The following ZFP91 variants were observed in gnomAD, a reference collection of about 807,000 sequenced individuals.
ZFP91 encodes the protein ZFP91 zinc finger protein, atypical E3 ubiquitin ligase.
Under a neutral mutation model 63.5 loss-of-function variants are expected in ZFP91, and 7 were observed. That is an observed-to-expected ratio of 0.11 (90% CI 0.06 to 0.21). The LOEUF is 0.21. Among genes scored for constraint, ZFP91 ranks in the 10% least tolerant of loss-of-function variants. ZFP91 has a pLI of 1.00. For missense variants in ZFP91, 628 were observed against 736.6 expected (o/e 0.85, Z 1.71); for synonymous variants, 330 against 272.1 (o/e 1.21, Z -2.10).
chr11:58,620,209 T>C lies in ZFP91; in HGVS notation c.*2503T>C, dbSNP rs1855825501. ...AGCAGTTTGCAATACTAAAATATTT[T>C]TTATAGACTTTATATTTTTCCTTTT... On this transcript the variant is annotated 3_prime_UTR_variant, in exon 11 of 11. Coordinates refer to ENST00000316059, the MANE Select transcript of ZFP91 (RefSeq NM_053023.5). The C allele has an allele frequency of 6.6e-6, 1 of 152,206 alleles. No homozygotes were observed. Among genetic ancestry groups the C allele is most frequent in the African/African-American group, 2.4e-5 (1 of 41,438 alleles). 9.4% of individuals were successfully genotyped at this position (152,206 alleles called of 1,614,324 possible).
At position 58,609,837 on chromosome 11, in the gene ZFP91, G is replaced by A; in HGVS notation, c.378G>A (p.Lys126=). The change falls in exon 3 of 11, where the codon AAG becomes AAA. Residue 126 remains lysine (K), a synonymous_variant. Coordinates refer to ENST00000316059, the MANE Select transcript of ZFP91 (RefSeq NM_053023.5). ...GTATGTCTTTTTATTTAGATCCCAAGGAAGAAAAAGAGGAAGAAGACGATT... is the reference window on the plus strand; with the variant it reads ...GTATGTCTTTTTATTTAGATCCCAAAGAAGAAAAAGAGGAAGAAGACGATT... The part of the protein sequence containing the change: ...IEKVTTDKDP[K]EEKEEEDDSA... 5 of 1,614,026 alleles carry A rather than the reference G, an allele frequency of 3.1e-6. No homozygotes were observed. The highest frequency in any genetic ancestry group is 2.2e-5 in the South Asian group (2 of 91,086).
Position 58,610,284 on chromosome 11 carries a change from CT to C in ZFP91, c.581-11del. 6.3e-7 allele frequency: 1 copy of C among 1,589,046 alleles called. No homozygotes were observed. The highest frequency in any genetic ancestry group is 8.5e-7 in the Non-Finnish European group (1 of 1,172,616). On this transcript the variant is annotated splice_polypyrimidine_tract_variant and intron_variant, in intron 3 of 10. Transcript: ENST00000316059. The stretch of plus-strand genomic sequence containing the variant: ...TACACTAATAAAATTTTGTTTTTGG[CT>C]TTGTTTTTCTAGATGTTGGAGAAGA...
chr11:58,609,202 A>G (rs532699381), intron 2 of ZFP91, among the ~76,000 whole-genome samples: 2 of 152,334 alleles, frequency 1.3e-5, no homozygotes, highest in Non-Finnish European at 2.9e-5. Context: ...CCCTTAAAAC[A>G]TGACAAAATA....
At chr11:58,611,801 G>GT in intron 6 of ZFP91, 63 bp downstream of exon 6, 1 of 1,536,992 alleles carries the variant, frequency 6.5e-7, no homozygotes, top group Non-Finnish European at 8.8e-7. Flanking sequence ...GGAAAAAAGA[G>GT]TGGGAGTGTG....
rs1855767124 is a variant in ZFP91 at position 58,617,426 on chromosome 11, C to G, written c.1433C>G (p.Thr478Ser). The change falls in exon 11 of 11, where the codon ACT becomes AGT. Residue 478 changes from threonine (T) to serine (S), a missense_variant. Thr to Ser is a moderately conservative substitution (Grantham distance 58, BLOSUM62 1). Around this residue, in one of 3 missense-constraint regions of ZFP91, gnomAD observed 115 missense variants for 125.4 expected, o/e 0.92. Transcript: ENST00000316059. This position sits in a 1 kb window ranked among gnomAD's most constrained non-coding sequence, Gnocchi z 4.2. ...ALITSTDILG[T>S]NPESLTQPSD... The stretch of plus-strand genomic sequence containing the variant: ...ATCACCAGCACAGATATCTTGGGCA[C>G]TAACCCAGAGTCCCTGACGCAGCCT... 1 of 1,613,726 alleles carries G rather than the reference C, an allele frequency of 6.2e-7. No homozygotes were observed. Among genetic ancestry groups the G allele is most frequent in the Non-Finnish European group, 8.5e-7 (1 of 1,179,800 alleles).
intron 2 of ZFP91, among the ~76,000 whole-genome samples, chr11:58,585,591 G>A (rs914934050): frequency 7.2e-5 from 11 of 151,924 alleles, no homozygotes; most frequent in African/African-American, 2.4e-4. Flanking sequence ...CTTTTATTAC[G>A]TGTGACCTTG....
In ZFP91 at chr11:58,619,007, C is replaced by T. The variant is rs1350007292; in HGVS notation, c.*1301C>T. 5.0e-6 allele frequency: 1 copy of T among 201,656 alleles called. No homozygotes were observed. The highest frequency in any genetic ancestry group is 1.0e-5 in the Non-Finnish European group (1 of 99,300). 12.5% of individuals were successfully genotyped at this position (201,656 alleles called of 1,614,324 possible). A position where few individuals can be genotyped will look rare whatever the true frequency, so the allele number is the denominator to read the frequency against. On this transcript the variant is annotated 3_prime_UTR_variant, in exon 11 of 11. Coordinates refer to ENST00000316059, the MANE Select transcript of ZFP91 (RefSeq NM_053023.5). ...CATTTCCCTTGGGGCCCATCTCTGG[C>T]TCCTTGCTTTTTGTTTCTTGCTTTG...
In ZFP91 at chr11:58,617,052, G is replaced by T; in HGVS notation, c.1203-144G>T. 1 of 924,354 alleles carries T rather than the reference G, an allele frequency of 1.1e-6. No individual in the cohort carries two copies. The highest frequency in any genetic ancestry group is 1.6e-6 in the Non-Finnish European group (1 of 632,164). The allele number at this position is 924,354 out of a possible 1,614,324, so 57.3% of individuals were successfully genotyped here. ...AGTAACATTTCCCAATCCTTCAAAAGAAGTATGTTACTGATTATTGTGTGT... is the reference window on the plus strand; with the variant it reads ...AGTAACATTTCCCAATCCTTCAAAATAAGTATGTTACTGATTATTGTGTGT... On this transcript the variant is annotated intron_variant, in intron 10 of 10. Coordinates refer to ENST00000316059, the MANE Select transcript of ZFP91 (RefSeq NM_053023.5). The surrounding 1 kb of genome is among the most constrained non-coding windows in gnomAD (Gnocchi z 4.2).
rs556701338 is a variant in ZFP91 at position 58,587,994 on chromosome 11, TC to T, written c.370+3111del. 3.4e-3 allele frequency among the ~76,000 whole-genome samples: 524 copies of T among 152,276 alleles called. 4 individuals are homozygous for T. The highest frequency in any genetic ancestry group is 0.012 in the African/African-American group (500 of 41,582). On this transcript the variant is annotated intron_variant, in intron 2 of 10. Coordinates refer to ENST00000316059, the MANE Select transcript of ZFP91 (RefSeq NM_053023.5). ...TAGATAGGTTATTTATTGCAGAACT[TC>T]TCAGAAACTTTGATTTTTGAGTAAT...
chr11:58,611,493 G>C (rs1247752280), intron 5 of ZFP91, 111 bp from the exon 6 acceptor site: 1 of 1,338,800 alleles, frequency 7.5e-7, no homozygotes, highest in East Asian at 2.3e-5. Context: ...TTCATGAACT[G>C]AGGAAGGTAG....
At chr11:58,588,681 T>C (rs1007281016) in intron 2 of ZFP91, among the ~76,000 whole-genome samples, 8 of 152,172 alleles carry the variant, frequency 5.3e-5, no homozygotes, top group Non-Finnish European at 8.8e-5. Flanking sequence ...CATTGACTGT[T>C]TTTACTTCCT....
chr11:58,608,283 TCTA>T (rs1855601480), intron 2 of ZFP91, among the ~76,000 whole-genome samples: 1 of 151,838 alleles, frequency 6.6e-6, no homozygotes, highest in African/African-American at 2.4e-5. Flanking sequence ...TTTCTACTCT[TCTA>T]CTACTTAAAA....
intron 9 of ZFP91, 50 bp from the exon 10 acceptor site, chr11:58,616,666 T>C (rs1360429735): frequency 6.6e-7 from 1 of 1,520,578 alleles, no homozygotes; most frequent in South Asian, 1.1e-5. Flanking sequence ...TAAGGGAAAA[T>C]ATTTACAGGG....
At chr11:58,595,893 G>A (rs1855390051) in intron 2 of ZFP91, among the ~76,000 whole-genome samples, 1 of 151,900 alleles carries the variant, frequency 6.6e-6, no homozygotes, top group Admixed American at 6.6e-5. Context: ...ATCTCTTATT[G>A]TCTCAACTCA....
At chr11:58,615,766 A>G (rs1855740289) in intron 9 of ZFP91, among the ~76,000 whole-genome samples, 1 of 152,248 alleles carries the variant, frequency 6.6e-6, no homozygotes, top group South Asian at 2.1e-4. Context: ...ATCAGCATAT[A>G]CATTTAATAA....
rs1016111351 is a variant in ZFP91, at chr11:58,620,677, A to G, written c.*2971A>G. On this transcript the variant is annotated 3_prime_UTR_variant, in exon 11 of 11. Coordinates refer to ENST00000316059, the MANE Select transcript of ZFP91 (RefSeq NM_053023.5). ...CTCCTTTGTACCTGTTTGGGGAAAA[A>G]GTATAATGAGTGTACTACCAATCTA... 6.6e-6 allele frequency: 1 copy of G among 152,654 alleles called. No homozygotes were observed. Among genetic ancestry groups the G allele is most frequent in the Admixed American group, 6.5e-5 (1 of 15,286 alleles). 9.5% of individuals were successfully genotyped at this position (152,654 alleles called of 1,614,324 possible). A position where few individuals can be genotyped will look rare whatever the true frequency, so the allele number is the denominator to read the frequency against.
intron 2 of ZFP91, among the ~76,000 whole-genome samples, chr11:58,595,108 A>G (rs2134400861): frequency 6.6e-6 from 1 of 152,340 alleles, no homozygotes; most frequent in South Asian, 2.1e-4. Flanking sequence ...ACCCGTGTTC[A>G]GTTCCCTCAG....
rs77598482 is a variant in ZFP91, at chr11:58,590,557, A to G, written c.370+5673A>G. On this transcript the variant is annotated intron_variant, in intron 2 of 10. Coordinates refer to ENST00000316059, the MANE Select transcript of ZFP91 (RefSeq NM_053023.5). ...TATTTCTGTATATCAGCAACAAAAA[A>G]TAGAAAATCGAAGTCATAAAATCAA... 1.0e-2 allele frequency among the ~76,000 whole-genome samples: 1,517 copies of G among 152,340 alleles called. 25 individuals are homozygous for G. The highest frequency in any genetic ancestry group is 0.035 in the African/African-American group (1,462 of 41,574).
intron 2 of ZFP91, among the ~76,000 whole-genome samples, chr11:58,600,235 G>A (rs978356794): frequency 6.6e-6 from 1 of 151,854 alleles, no homozygotes; most frequent in Admixed American, 6.6e-5. Flanking sequence ...AGGAAGCTGG[G>A]GTTTTGATAA....
Sources: gnomAD v4.1 joint callset for allele counts (sites outside exome capture counted in the v4.1 genomes callset) on GRCh38, gnomAD v4.1.1 for gene constraint, gnomAD v4.1.1 regional missense constraint, Gnocchi (gnomAD v3.1) non-coding constraint, MANE v1.5 for transcripts, NCBI Gene and HGNC (gene_info 2026-07-23, HGNC 2026-07-21) for gene names.